The following TRIM49C variants were observed in gnomAD, a reference collection of about 807,000 sequenced individuals.
The protein encoded by TRIM49C is tripartite motif containing 49C.
A neutral mutation model predicts 21.4 loss-of-function variants in TRIM49C; 6 were observed. The ratio of observed to expected loss-of-function variants is 0.28; its 90% CI spans 0.15 to 0.55. TRIM49C has a LOEUF of 0.55. Ranked by LOEUF, TRIM49C falls within the 20% of genes least tolerant of loss-of-function variation. The probability of loss-of-function intolerance (pLI) is 0.94; values close to 1 mark genes in which losing one functional copy is unlikely to be tolerated. For missense variants in TRIM49C, 161 were observed against 442.4 expected, an observed-to-expected ratio of 0.36 and a Z score of 5.71; for synonymous variants, 57 against 148.1, an observed-to-expected ratio of 0.38 and a Z score of 4.47.
the TRIM49C span, among the ~76,000 whole-genome samples, chr11:90,069,168 A>G: frequency 7.7e-6 from 1 of 130,510 alleles, no homozygotes; most frequent in African/African-American, 3.0e-5. Flanking sequence ...GCAGTGGCAC[A>G]ATCTTGGCTC....
the TRIM49C span, among the ~76,000 whole-genome samples, chr11:90,072,049 T>C: frequency 9.9e-5 from 14 of 141,358 alleles, 5 homozygotes; most frequent in South Asian, 3.1e-3. Context: ...TCATGTATGC[T>C]TCAACCGTGA....
downstream of TRIM49C, among the ~76,000 whole-genome samples, chr11:90,046,291 C>G (rs1950801107): frequency 8.0e-6 from 1 of 125,476 alleles, no homozygotes; most frequent in Non-Finnish European, 1.6e-5. Context: ...ATGCTGGCCT[C>G]ATAAAATGAG....
At chr11:90,062,748 T>C in the TRIM49C span, 1 of 1,479,162 alleles carries the variant, frequency 6.8e-7, no homozygotes, top group Non-Finnish European at 9.0e-7. Context: ...GCTGTTGATG[T>C]TCTGAGGTCT....
chr11:90,067,464 G>C, the TRIM49C span, among the ~76,000 whole-genome samples: 1 of 148,334 alleles, frequency 6.7e-6, no homozygotes, highest in Non-Finnish European at 1.5e-5. Flanking sequence ...GCCATAATTA[G>C]TGCATGAGAT....
chr11:90,057,008 C>A, the TRIM49C span, among the ~76,000 whole-genome samples: 2 of 147,614 alleles, frequency 1.4e-5, no homozygotes, highest in East Asian at 3.9e-4. Context: ...GATGAGATAT[C>A]CACCAGTTCA....
chr11:90,064,569 C>CTTT, the TRIM49C span, among the ~76,000 whole-genome samples: 1 of 118,944 alleles, frequency 8.4e-6, no homozygotes, highest in Non-Finnish European at 1.8e-5. Flanking sequence ...TTCTTTCTAT[C>CTTT]TTTTTTTTTT....
the TRIM49C span, among the ~76,000 whole-genome samples, chr11:90,067,855 GT>G: frequency 7.2e-6 from 1 of 138,088 alleles, no homozygotes; most frequent in Non-Finnish European, 1.6e-5. Flanking sequence ...CATTATAAGG[GT>G]TTTCAGCCTC....
chr11:90,065,810 A>G, the TRIM49C span, among the ~76,000 whole-genome samples: 17,875 of 136,012 alleles, frequency 0.13, 3,059 homozygotes, highest in South Asian at 0.17. Flanking sequence ...CAAAAAATTA[A>G]CCGAGTTCGG....
At chr11:90,064,303 G>C in the TRIM49C span, among the ~76,000 whole-genome samples, 2 of 151,390 alleles carry the variant, frequency 1.3e-5, no homozygotes, top group Non-Finnish European at 2.9e-5. Context: ...GATGATTAGA[G>C]AGAACACTTT....
downstream of TRIM49C, among the ~76,000 whole-genome samples, chr11:90,046,828 CT>C (rs1462414502): frequency 4.0e-5 from 5 of 123,762 alleles, 1 homozygote; most frequent in Non-Finnish European, 8.2e-5. Flanking sequence ...TGTGTTTGCT[CT>C]TGCTTCTCTA....
the TRIM49C span, among the ~76,000 whole-genome samples, chr11:90,067,418 C>T: frequency 1.2e-4 from 18 of 147,488 alleles, 1 homozygote; most frequent in African/African-American, 4.5e-4. Context: ...TATAAAATAT[C>T]AATAAGCATG....
At chr11:90,059,969 T>A in the TRIM49C span, among the ~76,000 whole-genome samples, 1 of 139,816 alleles carries the variant, frequency 7.2e-6, no homozygotes, top group Non-Finnish European at 1.5e-5. Flanking sequence ...TTCCTCAGAG[T>A]AATTTTGTAT....
chr11:90,052,490 C>G, the TRIM49C span: 6 of 189,854 alleles, frequency 3.2e-5, 2 homozygotes, highest in South Asian at 2.1e-4. Flanking sequence ...GCGGACAGCT[C>G]GCAGTTCCTG....
chr11:90,050,137 C>A, the TRIM49C span: 2 of 93,890 alleles, frequency 2.1e-5, 1 homozygote, highest in African/African-American at 9.1e-5. Flanking sequence ...TGCAGCTCTC[C>A]ATGTGGGCTG....
the TRIM49C span, among the ~76,000 whole-genome samples, chr11:90,060,289 TATA>T: frequency 7.0e-6 from 1 of 142,256 alleles, no homozygotes; most frequent in African/African-American, 2.6e-5. Context: ...AAAATATATA[TATA>T]ATGTTAATTA....
Position 90,035,242 on chromosome 11 carries a change from G to A in TRIM49C, c.31G>A (p.Gly11Arg), listed in dbSNP as rs1950717217. 6.3e-7 allele frequency: 1 copy of A among 1,579,686 alleles called. No homozygotes were observed. Among genetic ancestry groups the A allele is most frequent in the Non-Finnish European group, 8.6e-7 (1 of 1,164,680 alleles). The stretch of plus-strand genomic sequence containing the variant: ...TTCTGGAATCTTACAGGTCTTTCAG[G>A]GGGAACTCATCTGCCCCCTGTGCAT... MNSGILQVFQ[G>R]ELICPLCMNY... Residue 11 changes from glycine to arginine, a missense_variant, in exon 3 of 8, where the codon GGG becomes AGG. Physicochemically the swap from Gly to Arg is moderately radical, Grantham distance 125. This residue lies in a region of TRIM49C where 80 missense variants were observed against 314.8 expected (regional missense o/e 0.25). Coordinates refer to ENST00000448984, the MANE Select transcript of TRIM49C (RefSeq NM_001195234.1).
At chr11:90,071,789 C>T in the TRIM49C span, 3 of 1,113,664 alleles carry the variant, frequency 2.7e-6, 1 homozygote, top group African/African-American at 1.6e-5. Flanking sequence ...TCAACCACTT[C>T]CGAGGTGAGT....
the TRIM49C span, among the ~76,000 whole-genome samples, chr11:90,068,518 G>A: frequency 6.9e-6 from 1 of 145,180 alleles, no homozygotes; most frequent in South Asian, 2.3e-4. Flanking sequence ...TTCTTTAAAG[G>A]TGATATCCTT....
the TRIM49C span, chr11:90,073,282 TG>T: frequency 1.0e-5 from 11 of 1,062,280 alleles, 1 homozygote; most frequent in Non-Finnish European, 1.4e-5. Flanking sequence ...ATTTTGAAAG[TG>T]GAAGTGTGAG....
Sources: allele counts gnomAD v4.1 joint callset (sites outside exome capture counted in the v4.1 genomes callset), GRCh38; gene constraint gnomAD v4.1.1; regional missense constraint gnomAD v4.1.1; transcripts MANE v1.5; gene names NCBI Gene and HGNC (gene_info 2026-07-23, HGNC 2026-07-21).